The following ADARB2 variants were observed in gnomAD, a reference collection of about 807,000 sequenced individuals.
The protein encoded by ADARB2 is adenosine deaminase RNA specific B2 (inactive).
ADARB2 carries 25 observed loss-of-function variants against 62.2 expected under a neutral mutation model. That is an observed-to-expected ratio of 0.40 (90% CI 0.29 to 0.56). The LOEUF is 0.56. Among genes scored for constraint, ADARB2 ranks in the 20% least tolerant of loss-of-function variants. The pLI, the probability that ADARB2 is intolerant of heterozygous loss-of-function variation, is 0.43. For missense variants in ADARB2, 1,071 were observed against 1,077.4 expected, an observed-to-expected ratio of 0.99 and a Z score of 0.08; for synonymous variants, 572 against 500.8, an observed-to-expected ratio of 1.14 and a Z score of -1.90.
intron 1 of ADARB2, among the ~76,000 whole-genome samples, chr10:1,548,701 G>A (rs995399825): frequency 6.6e-6 from 1 of 152,206 alleles, no homozygotes; most frequent in African/African-American, 2.4e-5. Context: ...GAGAGAAAGA[G>A]AAACTGGCAC....
At chr10:1,412,566 CA>C (rs1832768238) in intron 1 of ADARB2, among the ~76,000 whole-genome samples, 1 of 152,134 alleles carries the variant, frequency 6.6e-6, no homozygotes, top group East Asian at 1.9e-4. Flanking sequence ...TGAGCCAACG[CA>C]TAAAGCACAA....
intron 1 of ADARB2, among the ~76,000 whole-genome samples, chr10:1,724,611 T>C (rs1255478533): frequency 6.6e-6 from 1 of 152,226 alleles, no homozygotes; most frequent in Admixed American, 6.5e-5. Context: ...AGGGTCCCAC[T>C]GTGCTCTCTG....
At chr10:1,526,672 T>C (rs1832149126) in intron 1 of ADARB2, 2 of 247,298 alleles carry the variant, frequency 8.1e-6, no homozygotes, top group Admixed American at 4.9e-5. Flanking sequence ...ACGCTTCCTG[T>C]ACAGCCTGCA....
chr10:1,251,976 A>G (rs938231685), intron 4 of ADARB2, among the ~76,000 whole-genome samples: 10 of 152,204 alleles, frequency 6.6e-5, no homozygotes, highest in African/African-American at 1.9e-4. Flanking sequence ...ACTGTGAGCA[A>G]TGAACTTCTG....
intron 1 of ADARB2, among the ~76,000 whole-genome samples, chr10:1,596,020 G>A (rs985666428): frequency 9.2e-5 from 14 of 152,222 alleles, no homozygotes; most frequent in Admixed American, 7.2e-4. Flanking sequence ...TTGTGGCCAG[G>A]TCTCATGGAC....
intron 1 of ADARB2, among the ~76,000 whole-genome samples, chr10:1,487,276 T>G (rs1240971276): frequency 6.6e-6 from 1 of 152,250 alleles, no homozygotes; most frequent in East Asian, 1.9e-4. Flanking sequence ...CCCAGTAACA[T>G]TTAAATTACT....
chr10:1,233,115 G>A (rs1030027917), intron 6 of ADARB2, among the ~76,000 whole-genome samples: 14 of 152,098 alleles, frequency 9.2e-5, no homozygotes, highest in African/African-American at 3.4e-4. Flanking sequence ...CCTGCCCTCC[G>A]ACCCTGGCAA....
At chr10:1,349,547 C>T (rs1832114287) in intron 3 of ADARB2, among the ~76,000 whole-genome samples, 1 of 152,190 alleles carries the variant, frequency 6.6e-6, no homozygotes, top group Non-Finnish European at 1.5e-5. Context: ...GCCCAAGGAA[C>T]ATCTCACCAA....
In ADARB2 at chr10:1,200,121, G is replaced by A. The variant is rs540618743; in HGVS notation, c.1709C>T (p.Ala570Val). The A allele has an allele frequency of 1.3e-6, 2 of 1,551,566 alleles. No individual in the cohort carries two copies. Among genetic ancestry groups the A allele is most frequent in the East Asian group, 2.4e-5 (1 of 41,000 alleles). ...ARWNVLGLQG[A>V]LLSHFVEPVY... ...GGGCTCCACGAAGTGGGACAGGAGCGCGCCCTGCAGCCCCAGGACGTTCCA... is the reference window on the plus strand; with the variant it reads ...GGGCTCCACGAAGTGGGACAGGAGCACGCCCTGCAGCCCCAGGACGTTCCA... The change falls in exon 8 of 10, where the codon GCG becomes GTG. Residue 570 changes from alanine (A) to valine (V), a missense_variant. Transcript: ENST00000381312.
At chr10:1,630,386 G>A (rs981010017) in intron 1 of ADARB2, among the ~76,000 whole-genome samples, 3 of 152,102 alleles carry the variant, frequency 2.0e-5, no homozygotes, top group Non-Finnish European at 4.4e-5. Flanking sequence ...CCTACCCAGC[G>A]GTGACACCCT....
At chr10:1,725,877 A>G (rs1334958126) in intron 1 of ADARB2, among the ~76,000 whole-genome samples, 1 of 152,250 alleles carries the variant, frequency 6.6e-6, no homozygotes, top group Non-Finnish European at 1.5e-5. Flanking sequence ...CATGAAGGCC[A>G]TTTCTTCAGC....
rs570236610 is a variant in ADARB2, at chr10:1,737,224, C to T, written c.-74G>A. ...CACCTGCCTCCTTCCCGGCAGCCGC[C>T]GCCGCCGCTGCTGCGAAGCTTGAGG... On this transcript the variant is annotated 5_prime_UTR_variant, in exon 1 of 10. Transcript: ENST00000381312. 47 of 1,500,652 alleles carry T rather than the reference C, an allele frequency of 3.1e-5. No homozygotes were observed. The East Asian group carries it at 5.9e-4, about 19-fold the overall frequency. The allele number at this position is 1,500,652 out of a possible 1,614,324, so 93.0% of individuals were successfully genotyped here.
chr10:1,590,973 C>T (rs890806060), intron 1 of ADARB2, among the ~76,000 whole-genome samples: 2 of 152,198 alleles, frequency 1.3e-5, no homozygotes, highest in African/African-American at 2.4e-5. Flanking sequence ...ATGTGGAAAT[C>T]GTTTCACAAT....
At chr10:1,392,871 T>A (rs995035651) in intron 1 of ADARB2, among the ~76,000 whole-genome samples, 1 of 152,158 alleles carries the variant, frequency 6.6e-6, no homozygotes. Context: ...CCTACAAGAA[T>A]TCATGCTGAA....
chr10:1,400,541 A>G (rs1832652815), intron 1 of ADARB2, among the ~76,000 whole-genome samples: 2 of 152,038 alleles, frequency 1.3e-5, no homozygotes, highest in Non-Finnish European at 2.9e-5. Context: ...GCCTGGTAAA[A>G]TTAGATCTAA....
At chr10:1,263,680 C>T (rs1012301543) in intron 4 of ADARB2, among the ~76,000 whole-genome samples, 2 of 152,280 alleles carry the variant, frequency 1.3e-5, no homozygotes, top group South Asian at 4.1e-4. Context: ...TCATGTATTT[C>T]CATCTACCCA....
chr10:1,664,100 G>A (rs969845232), intron 1 of ADARB2, among the ~76,000 whole-genome samples: 8 of 151,956 alleles, frequency 5.3e-5, no homozygotes, highest in African/African-American at 1.9e-4. Flanking sequence ...GGGTCAGTGT[G>A]CGGGTTTGTG....
intron 3 of ADARB2, among the ~76,000 whole-genome samples, chr10:1,321,573 G>T (rs894754931): frequency 8.6e-5 from 13 of 151,978 alleles, no homozygotes; most frequent in Non-Finnish European, 1.5e-4. Flanking sequence ...TTGTAGAGAT[G>T]GGGGTCTCAT....
intron 1 of ADARB2, among the ~76,000 whole-genome samples, chr10:1,583,020 CTTG>C (rs750065039): frequency 2.1e-4 from 32 of 152,210 alleles, no homozygotes; most frequent in Non-Finnish European, 4.4e-4. Flanking sequence ...CCACTTTGTA[CTTG>C]TTGTCACCAA....
Sources: allele counts gnomAD v4.1 joint callset (sites outside exome capture counted in the v4.1 genomes callset), GRCh38; gene constraint gnomAD v4.1.1; transcripts MANE v1.5; gene names NCBI Gene and HGNC (gene_info 2026-07-23, HGNC 2026-07-21).